Variants in PTPRG observed in about 807,000 individuals in gnomAD.
PTPRG encodes the protein receptor-type tyrosine-protein phosphatase gamma.
In PTPRG, 102 loss-of-function variants were observed where a neutral mutation model predicts 165.3. The ratio of observed to expected loss-of-function variants is 0.62; its 90% CI spans 0.53 to 0.73. The LOEUF (loss-of-function observed/expected upper bound fraction) is 0.73. Ranked by LOEUF, PTPRG falls within the 30% of genes least tolerant of loss-of-function variation. PTPRG has a pLI of 0.00. For synonymous variants in PTPRG, 675 were observed against 669.5 expected (o/e 1.01, Z -0.13); for missense variants, 1,866 against 1,861.4 (o/e 1.00, Z -0.05).
chr3:62,166,018 T>A (rs1704960393), intron 7 of PTPRG, among the ~76,000 whole-genome samples: 1 of 151,990 alleles, frequency 6.6e-6, no homozygotes, highest in African/African-American at 2.4e-5. Context: ...GCCTTGACAG[T>A]CACTCAATGC....
intron 2 of PTPRG, among the ~76,000 whole-genome samples, chr3:61,843,834 A>G (rs1295790619): frequency 6.6e-6 from 1 of 152,016 alleles, no homozygotes; most frequent in Non-Finnish European, 1.5e-5. Flanking sequence ...TAAAAAAAAA[A>G]ACAAAAAACC....
intron 1 of PTPRG, among the ~76,000 whole-genome samples, chr3:61,660,534 C>T (rs571470787): frequency 2.6e-5 from 4 of 152,248 alleles, no homozygotes; most frequent in East Asian, 1.9e-4. Context: ...ACATAGTTAG[C>T]GAGTGATATA....
intron 1 of PTPRG, among the ~76,000 whole-genome samples, chr3:61,718,355 T>A (rs2106779449): frequency 6.6e-6 from 1 of 152,298 alleles, no homozygotes; most frequent in Non-Finnish European, 1.5e-5. Flanking sequence ...TTTAACAAGC[T>A]GTGATGGTCC....
chr3:61,688,688 T>C (rs1009966442), intron 1 of PTPRG, among the ~76,000 whole-genome samples: 2 of 152,240 alleles, frequency 1.3e-5, no homozygotes, highest in Non-Finnish European at 2.9e-5. Flanking sequence ...TTAACGCTTA[T>C]GTTTGCAAAA....
intron 1 of PTPRG, among the ~76,000 whole-genome samples, chr3:61,603,371 G>T (rs1382226858): frequency 6.6e-6 from 1 of 152,150 alleles, no homozygotes; most frequent in African/African-American, 2.4e-5. Context: ...ATTTAAAATT[G>T]TGTGGCATCC....
chr3:61,781,264 C>T (rs555656057), intron 2 of PTPRG, among the ~76,000 whole-genome samples: 7 of 152,146 alleles, frequency 4.6e-5, no homozygotes, highest in South Asian at 4.1e-4. Flanking sequence ...TAGAATTTGC[C>T]GAGTGTTTCA....
chr3:61,805,530 C>CAAAAAAAAAAAAAAAAAAA (rs58646519), intron 2 of PTPRG, among the ~76,000 whole-genome samples: 1 of 96,518 alleles, frequency 1.0e-5, no homozygotes. Context: ...ATGGGAAAGA[C>CAAAAAAAAAAAAAAAAAAA]AAAAAAAAAA....
intron 2 of PTPRG, among the ~76,000 whole-genome samples, chr3:61,886,525 G>A (rs2038042933): frequency 6.6e-6 from 1 of 152,108 alleles, no homozygotes; most frequent in Admixed American, 6.6e-5. Context: ...ATGTTGGATG[G>A]TCTACAACTT....
chr3:61,799,028 T>A (rs750759297), intron 2 of PTPRG, among the ~76,000 whole-genome samples: 18 of 151,298 alleles, frequency 1.2e-4, no homozygotes, highest in East Asian at 1.9e-4. Flanking sequence ...ACATTAAAAA[T>A]TTTTTTTTAT....
chr3:61,747,105 A>G (rs1003635418), intron 1 of PTPRG, among the ~76,000 whole-genome samples: 1 of 138,928 alleles, frequency 7.2e-6, no homozygotes, highest in Non-Finnish European at 1.5e-5. Context: ...CCTGTTCGAC[A>G]GAGCAAGACC....
At chr3:61,873,461 C>T (rs568302073) in intron 2 of PTPRG, among the ~76,000 whole-genome samples, 1 of 152,116 alleles carries the variant, frequency 6.6e-6, no homozygotes, top group South Asian at 2.1e-4. Context: ...TAGCAAAATA[C>T]GGAATCTTAT....
At chr3:61,858,516 C>T (rs1437970817) in intron 2 of PTPRG, among the ~76,000 whole-genome samples, 1 of 152,114 alleles carries the variant, frequency 6.6e-6, no homozygotes, top group Non-Finnish European at 1.5e-5. Flanking sequence ...TGGGATTAAA[C>T]CAGATTAACT....
Position 61,618,345 on chromosome 3 carries a change from C to T in PTPRG, c.85+55973C>T, listed in dbSNP as rs116347798. Among the ~76,000 whole-genome samples, 299 of 152,218 alleles carry T rather than the reference C, an allele frequency of 2.0e-3. 1 individual carries two copies. Among genetic ancestry groups the T allele is most frequent in the African/African-American group, 7.0e-3 (289 of 41,558 alleles). On this transcript the variant is annotated intron_variant, in intron 1 of 29. Coordinates refer to ENST00000474889, the MANE Select transcript of PTPRG (RefSeq NM_002841.4). ...TAGTTAAGTCTCACAAGCTTAGACT[C>T]CAGCATGAGAGGGGGGTGTGTGTGC...
chr3:61,704,437 A>G (rs1307476402), intron 1 of PTPRG, among the ~76,000 whole-genome samples: 4 of 152,084 alleles, frequency 2.6e-5, no homozygotes, highest in African/African-American at 9.7e-5. Context: ...TTTCTTGGTA[A>G]TCTGTTGGAT....
At chr3:61,897,473 C>G (rs1034903288) in intron 2 of PTPRG, among the ~76,000 whole-genome samples, 5 of 152,166 alleles carry the variant, frequency 3.3e-5, no homozygotes, top group Non-Finnish European at 7.4e-5. Context: ...CAATATCACA[C>G]TGTCGTGATT....
chr3:62,127,277 C>G (rs1703328624), intron 5 of PTPRG, among the ~76,000 whole-genome samples: 1 of 152,164 alleles, frequency 6.6e-6, no homozygotes, highest in Non-Finnish European at 1.5e-5. Flanking sequence ...AGTTAGTGGT[C>G]ACTAGGATGT....
At chr3:62,169,933 T>C (rs1705153468) in intron 8 of PTPRG, among the ~76,000 whole-genome samples, 1 of 152,068 alleles carries the variant, frequency 6.6e-6, no homozygotes, top group African/African-American at 2.4e-5. Context: ...GACATGCACT[T>C]TGATGATATG....
At chr3:62,212,400 C>A (rs1271607105) in intron 12 of PTPRG, among the ~76,000 whole-genome samples, 1 of 152,140 alleles carries the variant, frequency 6.6e-6, no homozygotes, top group African/African-American at 2.4e-5. Context: ...AAAATCTCTT[C>A]AAAAATAAAC....
In PTPRG at chr3:61,675,443, G is replaced by A. The variant is rs559098905; in HGVS notation, c.86-73435G>A. On this transcript the variant is annotated intron_variant, in intron 1 of 29. Coordinates refer to ENST00000474889, the MANE Select transcript of PTPRG (RefSeq NM_002841.4). ...GTCTTTATAATGCAAGTAATATATG[G>A]TTCATGATAGAAAAAGTTGATTAAA... Among the ~76,000 whole-genome samples, 5 of 125,352 alleles carry A rather than the reference G, an allele frequency of 4.0e-5. No individual in the cohort carries two copies. The South Asian group carries it at 1.3e-3, about 32-fold the overall frequency. 82.2% of individuals were successfully genotyped at this position (125,352 alleles called of 152,430 possible). A position where few individuals can be genotyped will look rare whatever the true frequency, so the allele number is the denominator to read the frequency against.
Sources: gnomAD v4.1 joint callset for allele counts (sites outside exome capture counted in the v4.1 genomes callset) on GRCh38, gnomAD v4.1.1 for gene constraint, MANE v1.5 for transcripts, NCBI Gene and HGNC (gene_info 2026-07-23, HGNC 2026-07-21) for gene names.